Variants in PTPRK observed in about 807,000 individuals in gnomAD.
PTPRK encodes the protein protein tyrosine phosphatase receptor type K.
A neutral mutation model predicts 178.0 loss-of-function variants in PTPRK; 75 were observed. The ratio of observed to expected loss-of-function variants is 0.42; its 90% CI spans 0.35 to 0.51. The LOEUF (loss-of-function observed/expected upper bound fraction) is 0.51, where lower values mean the gene tolerates loss of function less well. PTPRK is among the 20% of genes least tolerant of loss of function. The pLI is 0.02. For synonymous variants in PTPRK, 637 were observed against 620.6 expected (o/e 1.03, Z -0.39); for missense variants, 1,441 against 1,797.8 (o/e 0.80, Z 3.59).
rs12110728 is a variant in PTPRK, at chr6:128,138,967, A to C, written c.1162+45465T>G. Among the ~76,000 whole-genome samples, 1,059 of 152,168 alleles carry C rather than the reference A, an allele frequency of 7.0e-3. 20 individuals are homozygous for C. Among genetic ancestry groups the C allele is most frequent in the African/African-American group, 0.024 (1,006 of 41,510 alleles). On this transcript the variant is annotated intron_variant, in intron 7 of 29. Transcript: ENST00000368226. ...CCCCCAAGAGGGGTGAATAAAATGA[A>C]GTATGGTGTATAGGCAATTAAGGAA...
At chr6:128,012,010 CCTGT>C (rs1157641710) in intron 13 of PTPRK, among the ~76,000 whole-genome samples, 1 of 151,080 alleles carries the variant, frequency 6.6e-6, no homozygotes, top group Non-Finnish European at 1.5e-5. Flanking sequence ...GGTAAGGCTG[CCTGT>C]CTGTCAAGAC....
intron 3 of PTPRK, among the ~76,000 whole-genome samples, chr6:128,298,136 A>C (rs562271820): frequency 6.6e-6 from 1 of 152,320 alleles, no homozygotes; most frequent in Admixed American, 6.5e-5. Context: ...TCTAGAAGAA[A>C]CGTATAAATT....
At chr6:128,334,091 T>C (rs1016098108) in intron 2 of PTPRK, among the ~76,000 whole-genome samples, 1 of 152,176 alleles carries the variant, frequency 6.6e-6, no homozygotes, top group African/African-American at 2.4e-5. Flanking sequence ...CACCATCTTA[T>C]ACGGGAGCTG....
In PTPRK at chr6:128,298,056, T is replaced by C. The variant is rs1384995973; in HGVS notation, c.495+23983A>G. Among the ~76,000 whole-genome samples the C allele has an allele frequency of 9.8e-3, 1,487 of 151,342 alleles. 25 individuals carry two copies. The highest frequency in any genetic ancestry group is 0.034 in the African/African-American group (1,408 of 41,324). On this transcript the variant is annotated intron_variant, in intron 3 of 29. Transcript: ENST00000368226. ...TGATAAAGGGGATATCACCTCTTTA[T>C]CGATCCCACAGAAATACAAACTACC...
chr6:128,312,241 AT>A (rs1827340590), intron 3 of PTPRK, among the ~76,000 whole-genome samples: 1 of 152,154 alleles, frequency 6.6e-6, no homozygotes, highest in African/African-American at 2.4e-5. Flanking sequence ...AGGTCAGATA[AT>A]TTCTTCATGG....
At chr6:128,147,898 C>A (rs1387962027) in intron 7 of PTPRK, among the ~76,000 whole-genome samples, 1 of 152,130 alleles carries the variant, frequency 6.6e-6, no homozygotes, top group Non-Finnish European at 1.5e-5. Flanking sequence ...TCTATTTTCT[C>A]CCCTGTTTCA....
intron 13 of PTPRK, among the ~76,000 whole-genome samples, chr6:128,023,994 G>C (rs868120719): frequency 6.6e-6 from 1 of 152,028 alleles, no homozygotes; most frequent in South Asian, 2.1e-4. Context: ...AACTCAAATA[G>C]AGACATCTCT....
chr6:128,384,293 T>C (rs1213087497), intron 2 of PTPRK, among the ~76,000 whole-genome samples: 2 of 152,234 alleles, frequency 1.3e-5, no homozygotes, highest in African/African-American at 4.8e-5. Flanking sequence ...AAAACTTTTC[T>C]TGGTTTAAAA....
chr6:128,211,194 A>T (rs1178265902), intron 6 of PTPRK, among the ~76,000 whole-genome samples: 1 of 152,122 alleles, frequency 6.6e-6, no homozygotes, highest in Non-Finnish European at 1.5e-5. Flanking sequence ...TTTATATTTG[A>T]GGAAAGCCGC....
intron 2 of PTPRK, among the ~76,000 whole-genome samples, chr6:128,395,968 C>T (rs998513353): frequency 5.9e-5 from 9 of 152,228 alleles, no homozygotes; most frequent in African/African-American, 2.2e-4. Context: ...TATTCATTTA[C>T]AAACTAAAAA....
At chr6:127,985,529 T>G (rs553578436) in intron 22 of PTPRK, among the ~76,000 whole-genome samples, 192 bp downstream of exon 22, 2 of 152,250 alleles carry the variant, frequency 1.3e-5, no homozygotes, top group Non-Finnish European at 2.9e-5. Flanking sequence ...GATGAATGTA[T>G]GTATTTCTTA....
At chr6:128,182,667 TTTAC>T (rs1331535015) in intron 7 of PTPRK, among the ~76,000 whole-genome samples, 1 of 152,154 alleles carries the variant, frequency 6.6e-6, no homozygotes, top group African/African-American at 2.4e-5. Flanking sequence ...TAGTAATATT[TTTAC>T]TTAAACAGTC....
intron 3 of PTPRK, among the ~76,000 whole-genome samples, chr6:128,262,460 T>A (rs1282759750): frequency 6.6e-6 from 1 of 152,060 alleles, no homozygotes; most frequent in East Asian, 1.9e-4. Context: ...TTTTAAAGAG[T>A]GTTCGACTCC....
chr6:128,464,648 T>TACAC (rs1457390149), intron 1 of PTPRK, among the ~76,000 whole-genome samples: 2 of 93,974 alleles, frequency 2.1e-5, no homozygotes, highest in African/African-American at 1.0e-4. Flanking sequence ...CATATATATA[T>TACAC]ATATATATAT....
At chr6:128,167,186 G>A (rs752216704) in intron 7 of PTPRK, among the ~76,000 whole-genome samples, 9 of 151,510 alleles carry the variant, frequency 5.9e-5, no homozygotes, top group African/African-American at 1.2e-4. Context: ...TGATGAGAAA[G>A]CAAAATGACA....
chr6:128,361,404 G>A (rs987441028), intron 2 of PTPRK, among the ~76,000 whole-genome samples: 3 of 151,976 alleles, frequency 2.0e-5, no homozygotes, highest in Non-Finnish European at 2.9e-5. Context: ...GATTCTATGC[G>A]AGCACACTGG....
intron 5 of PTPRK, among the ~76,000 whole-genome samples, chr6:128,231,908 C>T (rs1812363457): frequency 6.6e-6 from 1 of 152,094 alleles, no homozygotes; most frequent in Admixed American, 6.5e-5. Flanking sequence ...CAAACCAGGC[C>T]CAAAATCGTT....
At chr6:128,454,262 T>C (rs146767253) in intron 1 of PTPRK, among the ~76,000 whole-genome samples, 1,747 of 152,256 alleles carry the variant, frequency 0.011, 21 homozygotes, top group Admixed American at 0.021. Context: ...TTTCTTTTGT[T>C]GATCAGCTAC....
At chr6:128,021,528 C>T (rs988719981) in intron 13 of PTPRK, among the ~76,000 whole-genome samples, 1 of 151,946 alleles carries the variant, frequency 6.6e-6, no homozygotes, top group Non-Finnish European at 1.5e-5. Flanking sequence ...CCCAGCTACT[C>T]GGGAGGGAGG....
Sources: allele counts gnomAD v4.1 joint callset (sites outside exome capture counted in the v4.1 genomes callset), GRCh38; gene constraint gnomAD v4.1.1; transcripts MANE v1.5; gene names NCBI Gene and HGNC (gene_info 2026-07-23, HGNC 2026-07-21).